Variants in SSH2 observed in about 807,000 individuals in gnomAD.
SSH2 encodes protein phosphatase Slingshot homolog 2.
In SSH2, 37 loss-of-function variants were observed where a neutral mutation model predicts 135.2. The observed-to-expected ratio is 0.27, with a 90% confidence interval of 0.21 to 0.36. The LOEUF (loss-of-function observed/expected upper bound fraction) is 0.36, where lower values mean the gene tolerates loss of function less well. Ranked by LOEUF, SSH2 falls within the 10% of genes least tolerant of loss-of-function variation. SSH2 has a pLI of 1.00. For missense variants in SSH2, 1,408 were observed against 1,765.3 expected, an observed-to-expected ratio of 0.80 and a Z score of 3.63; for synonymous variants, 628 against 646.2, an observed-to-expected ratio of 0.97 and a Z score of 0.43.
At position 29,667,118 on chromosome 17, in the gene SSH2, A is replaced by G. The variant is rs745368300; in HGVS notation, c.903+12T>C. 1 of 1,608,750 alleles carries G rather than the reference A, an allele frequency of 6.2e-7. No individual in the cohort carries two copies. Among genetic ancestry groups the G allele is most frequent in the Non-Finnish European group, 8.5e-7 (1 of 1,175,796 alleles). On this transcript the variant is annotated intron_variant, in intron 10 of 15. Coordinates refer to ENST00000540801, the MANE Select transcript of SSH2 (RefSeq NM_001282129.2). Reference sequence around the variant, plus strand: ...CTAGCCTTGGAACAAACAAGGACTCAAGGTCTCTTACCTCTTTGGATGTAA... The same window carrying G: ...CTAGCCTTGGAACAAACAAGGACTCGAGGTCTCTTACCTCTTTGGATGTAA...
intron 3 of SSH2, among the ~76,000 whole-genome samples, chr17:29,789,845 C>T (rs538745498): frequency 2.6e-5 from 4 of 152,154 alleles, no homozygotes; most frequent in Non-Finnish European, 4.4e-5. Context: ...TTATTTGGGA[C>T]CTATCAGTCC....
chr17:29,742,496 T>TTC (rs1555625238), intron 3 of SSH2, among the ~76,000 whole-genome samples: 1 of 147,572 alleles, frequency 6.8e-6, no homozygotes, highest in Admixed American at 6.7e-5. Context: ...TTTTTTTTTT[T>TTC]TTTTCTTTTC....
At chr17:29,835,718 T>C (rs1370696887) in intron 2 of SSH2, among the ~76,000 whole-genome samples, 1 of 152,214 alleles carries the variant, frequency 6.6e-6, no homozygotes, top group Non-Finnish European at 1.5e-5. Context: ...CTATAATTTA[T>C]TGAAATTCAT....
intron 1 of SSH2, among the ~76,000 whole-genome samples, chr17:29,890,881 G>A (rs2066335910): frequency 1.3e-5 from 2 of 151,830 alleles, no homozygotes; most frequent in South Asian, 2.1e-4. Context: ...TCAGCCTCCC[G>A]AGTAGCTGGG....
At chr17:29,670,010 T>C (rs2037429210) in intron 9 of SSH2, among the ~76,000 whole-genome samples, 2 of 151,532 alleles carry the variant, frequency 1.3e-5, no homozygotes, top group Non-Finnish European at 2.9e-5. Flanking sequence ...GCCTCCTGAG[T>C]AGCTGGGATT....
chr17:29,774,080 AC>A (rs2041645525), intron 3 of SSH2, among the ~76,000 whole-genome samples: 1 of 152,204 alleles, frequency 6.6e-6, no homozygotes, highest in African/African-American at 2.4e-5. Flanking sequence ...GGTAAGAAAA[AC>A]CAAGTATATA....
intron 1 of SSH2, among the ~76,000 whole-genome samples, chr17:29,861,508 C>A (rs929705213): frequency 6.6e-6 from 1 of 152,110 alleles, no homozygotes; most frequent in Admixed American, 6.5e-5. Context: ...TACAGGTTCA[C>A]AGCTGATTAG....
At chr17:29,745,402 C>T (rs1305259911) in intron 3 of SSH2, among the ~76,000 whole-genome samples, 1 of 152,080 alleles carries the variant, frequency 6.6e-6, no homozygotes, top group Non-Finnish European at 1.5e-5. Context: ...TCAAGTGACC[C>T]GCCTGCCTCG....
At chr17:29,860,183 C>T (rs2065737195) in intron 1 of SSH2, among the ~76,000 whole-genome samples, 1 of 152,076 alleles carries the variant, frequency 6.6e-6, no homozygotes, top group Admixed American at 6.6e-5. Flanking sequence ...AATTGCCACA[C>T]TGCTTTCCAC....
chr17:29,889,043 T>C (rs2066297147), intron 1 of SSH2, among the ~76,000 whole-genome samples: 2 of 149,450 alleles, frequency 1.3e-5, no homozygotes, highest in South Asian at 4.2e-4. Context: ...TTAGTTTTCT[T>C]AAAAAAAAAT....
intron 1 of SSH2, among the ~76,000 whole-genome samples, chr17:29,874,415 T>C (rs1484149953): frequency 6.6e-6 from 1 of 152,210 alleles, no homozygotes; most frequent in African/African-American, 2.4e-5. Context: ...CCAGATCTCA[T>C]CTTGAATTGT....
intron 3 of SSH2, among the ~76,000 whole-genome samples, chr17:29,727,716 TAAGTCACTG>T (rs2040049359): frequency 1.3e-5 from 2 of 152,182 alleles, no homozygotes; most frequent in Admixed American, 6.5e-5. Context: ...CCACAGCTAG[TAAGTCACTG>T]AATGGGGAAA....
chr17:29,678,454 C>G (rs1354718200), intron 6 of SSH2, among the ~76,000 whole-genome samples: 1 of 152,112 alleles, frequency 6.6e-6, no homozygotes, highest in Non-Finnish European at 1.5e-5. Context: ...TTATTTGCCT[C>G]TAATTCTGAG....
chr17:29,888,609 T>C (rs1180482214), intron 1 of SSH2, among the ~76,000 whole-genome samples: 1 of 152,002 alleles, frequency 6.6e-6, no homozygotes, highest in Non-Finnish European at 1.5e-5. Context: ...AACAGCAACC[T>C]TAACCATACA....
chr17:29,898,760 A>G (rs1344399653), intron 1 of SSH2, among the ~76,000 whole-genome samples: 1 of 152,154 alleles, frequency 6.6e-6, no homozygotes, highest in Non-Finnish European at 1.5e-5. Flanking sequence ...AAAAGAGGGA[A>G]TTCTCCCTAA....
At chr17:29,854,979 T>G (rs2065636115) in intron 1 of SSH2, among the ~76,000 whole-genome samples, 2 of 151,956 alleles carry the variant, frequency 1.3e-5, no homozygotes, top group African/African-American at 2.4e-5. Context: ...AACGAATAAA[T>G]CCCACAAGAG....
At chr17:29,731,306 G>T (rs770843223) in intron 3 of SSH2, among the ~76,000 whole-genome samples, 2 of 151,976 alleles carry the variant, frequency 1.3e-5, no homozygotes, top group Non-Finnish European at 2.9e-5. Context: ...CATGATTTTA[G>T]GAGATTATCA....
intron 3 of SSH2, among the ~76,000 whole-genome samples, chr17:29,785,398 C>G (rs925245274): frequency 1.3e-5 from 2 of 150,886 alleles, no homozygotes; most frequent in African/African-American, 4.9e-5. Context: ...TCAGTGCAAT[C>G]TTGTTCATTT....
At chr17:29,685,606 T>C (rs895385169) in intron 5 of SSH2, among the ~76,000 whole-genome samples, 6 of 151,852 alleles carry the variant, frequency 4.0e-5, no homozygotes, top group Admixed American at 2.0e-4. Context: ...GCCAACATGG[T>C]GAAACACTGT....
Sources: gnomAD v4.1 joint callset for allele counts (sites outside exome capture counted in the v4.1 genomes callset) on GRCh38, gnomAD v4.1.1 for gene constraint, MANE v1.5 for transcripts, NCBI Gene and HGNC (gene_info 2026-07-23, HGNC 2026-07-21) for gene names.